SEC23B: variants seen among roughly 807,000 people sequenced by gnomAD.
SEC23B encodes SEC23 homolog B, COPII component, also known as protein transport protein Sec23B.
SEC23B carries 77 observed loss-of-function variants against 104.3 expected under a neutral mutation model. The observed-to-expected ratio is 0.74, with a 90% CI of 0.61 to 0.89. SEC23B has a LOEUF of 0.89. Among genes scored for constraint, SEC23B ranks in the 40% least tolerant of loss-of-function variants. The probability of loss-of-function intolerance (pLI) is 0.00; values close to 1 mark genes in which losing one functional copy is unlikely to be tolerated. For synonymous variants in SEC23B, 338 were observed against 332.5 expected, an observed-to-expected ratio of 1.02 and a Z score of -0.18; for missense variants, 885 against 949.4, an observed-to-expected ratio of 0.93 and a Z score of 0.89.
intron 3 of SEC23B, among the ~76,000 whole-genome samples, chr20:18,514,574 G>A (rs1271797451): frequency 6.6e-6 from 1 of 152,218 alleles, no homozygotes; most frequent in East Asian, 1.9e-4. Flanking sequence ...TTGGGGAGAT[G>A]CACCTCAACT....
chr20:18,533,370 T>C (rs2060202624), intron 11 of SEC23B, among the ~76,000 whole-genome samples: 1 of 152,210 alleles, frequency 6.6e-6, no homozygotes, highest in Non-Finnish European at 1.5e-5. Context: ...AAGGTGGTCC[T>C]GGGCTGGGGT....
rs778756579 is a variant in SEC23B, at chr20:18,515,682, G to C, written c.312G>C (p.Val104=). The change falls in exon 4 of 20, where the codon GTG becomes GTC. Residue 104 remains valine (V), a synonymous_variant. Transcript: ENST00000650089. ...FPPAYGGISE[V]NQPAELMPQF... is the part of the protein sequence containing the mutation. ...CAGCTTATGGAGGCATATCTGAGGT[G>C]AATCAACCTGCCGAATTGATGCCCC... 6.2e-7 allele frequency: 1 copy of C among 1,612,260 alleles called. No individual in the cohort carries two copies. Among genetic ancestry groups the C allele is most frequent in the Non-Finnish European group, 8.5e-7 (1 of 1,178,268 alleles).
chr20:18,534,640 A>G (rs1013317267), intron 11 of SEC23B, among the ~76,000 whole-genome samples: 2 of 152,252 alleles, frequency 1.3e-5, no homozygotes, highest in Admixed American at 6.5e-5. Context: ...GTGTAGCACA[A>G]TATGAAACTC....
At chr20:18,512,331 T>G (rs1029542185) in intron 3 of SEC23B, 49 bp downstream of exon 3, 2 of 1,245,078 alleles carry the variant, frequency 1.6e-6, no homozygotes, top group Admixed American at 3.6e-5. Flanking sequence ...TTTAGTTGTA[T>G]TATGAAAAAA....
chr20:18,542,812 T>G (rs1457080085), intron 13 of SEC23B, among the ~76,000 whole-genome samples: 3 of 152,044 alleles, frequency 2.0e-5, no homozygotes, highest in Non-Finnish European at 4.4e-5. Context: ...TCTTTTTACT[T>G]TTATGCAGAG....
intron 19 of SEC23B, among the ~76,000 whole-genome samples, chr20:18,559,085 G>T (rs937785770): frequency 3.4e-4 from 51 of 151,168 alleles, no homozygotes; most frequent in African/African-American, 1.2e-3. Context: ...GTTGGTGGGG[G>T]GGGTGTCGGG....
At position 18,554,288 on chromosome 20, in the gene SEC23B, C is replaced by G; in HGVS notation, c.2046C>G (p.Asn682Lys). 1 of 1,614,170 alleles carries G rather than the reference C, an allele frequency of 6.2e-7. No individual in the cohort carries two copies. Among genetic ancestry groups the G allele is most frequent in the Non-Finnish European group, 8.5e-7 (1 of 1,180,026 alleles). The change falls in exon 18 of 20, where the codon AAC (asparagine) becomes AAG (lysine). Residue 682 changes from asparagine to lysine, a missense_variant. By Grantham distance (94) the Asn-to-Lys change is moderately conservative (BLOSUM62 0). Transcript: ENST00000650089. ...AGYQDMPEYENFKHLLQAPLD... is the reference protein window; with the variant it reads ...AGYQDMPEYEKFKHLLQAPLD... ...ACCAGGACATGCCCGAGTATGAAAA[C>G]TTCAAGCACCTTCTGCAGGCACCAC... is the stretch of plus-strand genomic sequence containing the variant.
intron 12 of SEC23B, among the ~76,000 whole-genome samples, chr20:18,538,455 C>G (rs6045450): frequency 2.0e-5 from 3 of 151,784 alleles, no homozygotes; most frequent in South Asian, 2.1e-4. Flanking sequence ...GGGTTTCACC[C>G]TGTTAGCCAG....
chr20:18,549,797 G>A (rs1271345607), intron 16 of SEC23B, among the ~76,000 whole-genome samples: 1 of 151,778 alleles, frequency 6.6e-6, no homozygotes, highest in Non-Finnish European at 1.5e-5. Context: ...CCTGGCCAAT[G>A]TGGCGAAACC....
At chr20:18,521,847 T>G (rs1461351502) in intron 4 of SEC23B, among the ~76,000 whole-genome samples, 1 of 152,110 alleles carries the variant, frequency 6.6e-6, no homozygotes, top group Non-Finnish European at 1.5e-5. Flanking sequence ...GGGACCAATG[T>G]GTAAAAGAAT....
intron 19 of SEC23B, among the ~76,000 whole-genome samples, chr20:18,556,642 T>C (rs1176360328): frequency 6.6e-6 from 1 of 152,270 alleles, no homozygotes; most frequent in Non-Finnish European, 1.5e-5. Context: ...CTTTTTATTT[T>C]CAATTTCATT....
At chr20:18,521,103 G>A (rs1032376767) in intron 4 of SEC23B, among the ~76,000 whole-genome samples, 4 of 152,168 alleles carry the variant, frequency 2.6e-5, no homozygotes, top group African/African-American at 7.2e-5. Context: ...TGGCAGCTGC[G>A]GTTTAGGCGT....
chr20:18,532,811 A>T (rs2060198934), intron 11 of SEC23B, 67 bp downstream of exon 11: 2 of 1,181,452 alleles, frequency 1.7e-6, no homozygotes, highest in Non-Finnish European at 1.3e-6. Context: ...GTGTCAGAGC[A>T]TGATGATCTC....
At chr20:18,508,396 C>T (rs115717877) in intron 1 of SEC23B, 1,663 of 152,396 alleles carry the variant, frequency 0.011, 36 homozygotes, top group African/African-American at 0.038. Context: ...AAGGGTGGTT[C>T]AGATTTTTTG....
intron 8 of SEC23B, 53 bp downstream of exon 8, chr20:18,526,584 G>A: frequency 6.3e-7 from 1 of 1,599,460 alleles, no homozygotes; most frequent in African/African-American, 1.3e-5. Flanking sequence ...GTCAGGTTTG[G>A]GCTGCTCTGG....
At chr20:18,510,280 T>C (rs1301362418) in intron 1 of SEC23B, among the ~76,000 whole-genome samples, 1 of 152,186 alleles carries the variant, frequency 6.6e-6, no homozygotes, top group African/African-American at 2.4e-5. Flanking sequence ...TTTAACTACA[T>C]GTAGTTTGGA....
rs576100768 is a variant in SEC23B, at chr20:18,512,097, A to G, written c.222-128A>G. The G allele has an allele frequency of 1.1e-5, 7 of 643,630 alleles. No homozygotes were observed. The African/African-American group carries it at 1.3e-4, about 12-fold the overall frequency. 39.9% of individuals were successfully genotyped at this position (643,630 alleles called of 1,614,324 possible). A position where few individuals can be genotyped will look rare whatever the true frequency, so the allele number is the denominator to read the frequency against. On this transcript the variant is annotated intron_variant, in intron 2 of 19. Transcript: ENST00000650089. Reference sequence around the variant, plus strand: ...TGCATACTCATACTTATGCATACACATAGAAACACTTACTTGTGTGATTTA... The same window carrying G: ...TGCATACTCATACTTATGCATACACGTAGAAACACTTACTTGTGTGATTTA...
At chr20:18,524,048 T>C (rs2060110633) in intron 4 of SEC23B, among the ~76,000 whole-genome samples, 1 of 152,116 alleles carries the variant, frequency 6.6e-6, no homozygotes, top group Non-Finnish European at 1.5e-5. Context: ...GATTTCTCTG[T>C]TTAACAGTTG....
chr20:18,509,243 A>G (rs1193182701), intron 1 of SEC23B, among the ~76,000 whole-genome samples: 1 of 152,182 alleles, frequency 6.6e-6, no homozygotes, highest in Non-Finnish European at 1.5e-5. Flanking sequence ...TGGAGCAAAC[A>G]TTGGAATTCT....
Sources: allele counts gnomAD v4.1 joint callset (sites outside exome capture counted in the v4.1 genomes callset), GRCh38; gene constraint gnomAD v4.1.1; transcripts MANE v1.5; gene names NCBI Gene and HGNC (gene_info 2026-07-23, HGNC 2026-07-21).